HSCB: variants seen among roughly 807,000 people sequenced by gnomAD.
HSCB encodes the protein HscB mitochondrial iron-sulfur cluster cochaperone, also known as iron-sulfur cluster co-chaperone protein HscB.
A neutral mutation model predicts 31.3 loss-of-function variants in HSCB; 23 were observed. That is an observed-to-expected ratio of 0.74 (90% CI 0.53 to 1.04). The LOEUF (loss-of-function observed/expected upper bound fraction) is 1.04. Among genes scored for constraint, HSCB ranks in the 50% least tolerant of loss-of-function variants. HSCB has a pLI of 0.00. For synonymous variants in HSCB, 110 were observed against 104.5 expected (o/e 1.05, Z -0.32); for missense variants, 297 against 288.1 (o/e 1.03, Z -0.22).
intron 1 of HSCB, chr22:28,742,620 T>A (rs2054594899): frequency 2.4e-6 from 1 of 409,616 alleles, no homozygotes; most frequent in Non-Finnish European, 4.4e-6. Flanking sequence ...GGAGGGAGAT[T>A]TGAGGGGCGG....
intron 2 of HSCB, 49 bp from the exon 3 acceptor site, chr22:28,744,566 A>T: frequency 7.1e-7 from 1 of 1,407,758 alleles, no homozygotes; most frequent in Non-Finnish European, 1.0e-6. Flanking sequence ...AAAACAAAAA[A>T]ACTTTGTGAT....
rs1468479932 is a variant in HSCB, at chr22:28,742,131, G to A, written c.36G>A (p.Val12=). 3.7e-6 allele frequency: 6 copies of A among 1,611,578 alleles called. No homozygotes were observed. The highest frequency in any genetic ancestry group is 8.5e-7 in the Non-Finnish European group (1 of 1,179,040). Residue 12 remains valine (V), a synonymous_variant, in exon 1 of 6, where the codon GTG becomes GTA. Transcript: ENST00000216027. ...WRGRAGALLR[V]WGFWPTGVPR... is the part of the protein sequence containing the mutation. The stretch of plus-strand genomic sequence containing the variant: ...GGAGAGCCGGGGCTTTGCTCCGGGT[G>A]TGGGGGTTTTGGCCGACAGGGGTTC...
Position 28,757,232 on chromosome 22 carries a change from A to C in HSCB, c.*63A>C. On this transcript the variant is annotated 3_prime_UTR_variant, in exon 6 of 6. Coordinates refer to ENST00000216027, the MANE Select transcript of HSCB (RefSeq NM_172002.5). ...CTGGGCACAGTGGCTCACACCTGTA[A>C]TCCCAGCACTTTGGGAGGCTGAGGT... 1 of 848,732 alleles carries C rather than the reference A, an allele frequency of 1.2e-6. No homozygotes were observed. 52.6% of individuals were successfully genotyped at this position (848,732 alleles called of 1,614,324 possible).
At chr22:28,755,045 C>T (rs1400340838) in intron 5 of HSCB, among the ~76,000 whole-genome samples, 2 of 150,342 alleles carry the variant, frequency 1.3e-5, no homozygotes, top group East Asian at 4.1e-4. Context: ...CCGCCCACCT[C>T]GGCCTCCCAA....
intron 1 of HSCB, among the ~76,000 whole-genome samples, chr22:28,743,237 G>A (rs959098838): frequency 1.3e-5 from 2 of 152,064 alleles, no homozygotes. Context: ...TGGCTAAGCC[G>A]ACCTAACGGG....
intron 5 of HSCB, among the ~76,000 whole-genome samples, chr22:28,756,499 C>T (rs1185433679): frequency 1.3e-5 from 2 of 149,326 alleles, no homozygotes; most frequent in South Asian, 2.1e-4. Flanking sequence ...GACAGGGTCT[C>T]ACCCTGTCGC....
intron 5 of HSCB, among the ~76,000 whole-genome samples, chr22:28,752,682 A>G (rs1240421688): frequency 6.9e-6 from 1 of 144,164 alleles, no homozygotes; most frequent in Non-Finnish European, 1.5e-5. Flanking sequence ...TGCAGTGAGC[A>G]GAGATCGCGC....
At chr22:28,742,847 G>A (rs1376879191) in intron 1 of HSCB, 1 of 157,316 alleles carries the variant, frequency 6.4e-6, no homozygotes. Context: ...AGGGAAAAGT[G>A]AGAATTGGAG....
intron 4 of HSCB, among the ~76,000 whole-genome samples, chr22:28,750,430 G>A (rs1173910143): frequency 6.6e-6 from 1 of 152,028 alleles, no homozygotes; most frequent in African/African-American, 2.4e-5. Flanking sequence ...TAGGGTCAGG[G>A]CTTAAGAACC....
chr22:28,753,837 C>CA (rs1315188780), intron 5 of HSCB, among the ~76,000 whole-genome samples: 59 of 125,888 alleles, frequency 4.7e-4, no homozygotes, highest in South Asian at 3.0e-3. Context: ...GACTCCATCT[C>CA]AAAAAAAAAA....
At chr22:28,743,222 G>A (rs1202336143) in intron 1 of HSCB, among the ~76,000 whole-genome samples, 1 of 152,126 alleles carries the variant, frequency 6.6e-6, no homozygotes, top group Non-Finnish European at 1.5e-5. Flanking sequence ...GAGTAAACGG[G>A]ATTCTGGCTA....
rs553771825 is a variant in HSCB at position 28,754,083 on chromosome 22, A to G, written c.616+2795A>G. 3.9e-5 allele frequency among the ~76,000 whole-genome samples: 6 copies of G among 152,196 alleles called. No individual in the cohort carries two copies. In the South Asian group the frequency reaches 1.2e-3, roughly 32 times the overall value. The stretch of plus-strand genomic sequence containing the variant: ...GGAAGGTGGAGTTTGCAGTGAGCCG[A>G]GATCGTGTCACTGCACTCCTGACGG... On this transcript the variant is annotated intron_variant, in intron 5 of 5. Transcript: ENST00000216027.
intron 5 of HSCB, among the ~76,000 whole-genome samples, chr22:28,755,367 G>A (rs565484427): frequency 1.3e-4 from 20 of 151,900 alleles, no homozygotes; most frequent in African/African-American, 4.1e-4. Flanking sequence ...CCAAGATTGC[G>A]CCACTGCACT....
chr22:28,743,743 C>T, intron 1 of HSCB, 139 bp from the exon 2 acceptor site: 6 of 668,956 alleles, frequency 9.0e-6, no homozygotes. Context: ...GTTCTGTGTC[C>T]CTTCATAGGA....
In HSCB at chr22:28,744,679, C is replaced by T; in HGVS notation, c.398C>T (p.Ala133Val). 2 of 1,613,076 alleles carry T rather than the reference C, an allele frequency of 1.2e-6. No homozygotes were observed. The highest frequency in any genetic ancestry group is 1.7e-6 in the Non-Finnish European group (2 of 1,179,054). Residue 133 changes from alanine (A) to valine (V), a missense_variant, in exon 3 of 6, where the codon GCC (alanine) becomes GTC (valine). Ala to Val is a moderately conservative substitution (Grantham distance 64). Coordinates refer to ENST00000216027, the MANE Select transcript of HSCB (RefSeq NM_172002.5). ...LVNDAYKTLL[A>V]PLSRGLYLLK... Reference sequence around the variant, plus strand: ...AATGATGCCTATAAGACCCTCCTGGCCCCCCTGAGCAGAGGACTGTACCTT... The same window carrying T: ...AATGATGCCTATAAGACCCTCCTGGTCCCCCTGAGCAGAGGACTGTACCTT...
intron 4 of HSCB, among the ~76,000 whole-genome samples, chr22:28,748,775 C>T (rs1361883397): frequency 6.6e-6 from 1 of 152,052 alleles, no homozygotes; most frequent in Non-Finnish European, 1.5e-5. Flanking sequence ...TCTCAGCCTC[C>T]CAAAGTGCTG....
intron 5 of HSCB, among the ~76,000 whole-genome samples, chr22:28,752,463 G>A (rs936261665): frequency 6.6e-6 from 1 of 150,988 alleles, no homozygotes; most frequent in African/African-American, 2.4e-5. Context: ...GGCCGGGCAT[G>A]GTTAATGATG....
In HSCB at chr22:28,744,680, C is replaced by A; in HGVS notation, c.399C>A (p.Ala133=). 1 of 1,613,768 alleles carries A rather than the reference C, an allele frequency of 6.2e-7. No homozygotes were observed. Among genetic ancestry groups the A allele is most frequent in the African/African-American group, 1.3e-5 (1 of 75,010 alleles). The part of the protein sequence containing the change: ...LVNDAYKTLL[A]PLSRGLYLLK... ...ATGATGCCTATAAGACCCTCCTGGC[C>A]CCCCTGAGCAGAGGACTGTACCTTG... The change falls in exon 3 of 6, where the codon GCC becomes GCA. Residue 133 remains alanine (A), a synonymous_variant. Coordinates refer to ENST00000216027, the MANE Select transcript of HSCB (RefSeq NM_172002.5).
intron 2 of HSCB, 32 bp downstream of exon 2, chr22:28,744,010 A>C (rs2054641137): frequency 6.8e-7 from 1 of 1,460,104 alleles, no homozygotes. Context: ...ATAATCCCCA[A>C]ATATGTGTGC....
Sources: allele counts gnomAD v4.1 joint callset (sites outside exome capture counted in the v4.1 genomes callset), GRCh38; gene constraint gnomAD v4.1.1; transcripts MANE v1.5; gene names NCBI Gene and HGNC (gene_info 2026-07-23, HGNC 2026-07-21).